DYNC2I2: variants seen among roughly 807,000 people sequenced by gnomAD.
DYNC2I2 encodes dynein 2 intermediate chain 2, also known as cytoplasmic dynein 2 intermediate chain 2.
A neutral mutation model predicts 52.0 loss-of-function variants in DYNC2I2; 39 were observed. The ratio of observed to expected loss-of-function variants is 0.75; its 90% CI spans 0.58 to 0.98. The LOEUF (loss-of-function observed/expected upper bound fraction) is 0.98, where lower values mean the gene tolerates loss of function less well. Ranked by LOEUF, DYNC2I2 falls within the 50% of genes least tolerant of loss-of-function variation. The probability of loss-of-function intolerance (pLI) is 0.00; values close to 1 mark genes in which losing one functional copy is unlikely to be tolerated. For missense variants in DYNC2I2, 743 were observed against 728.4 expected, an observed-to-expected ratio of 1.02 and a Z score of -0.23; for synonymous variants, 359 against 321.1, an observed-to-expected ratio of 1.12 and a Z score of -1.26.
chr9:128,668,116 A>G, the DYNC2I2 span, among the ~76,000 whole-genome samples: 2 of 151,658 alleles, frequency 1.3e-5, no homozygotes, highest in Non-Finnish European at 2.9e-5. Flanking sequence ...GTGAGCCACT[A>G]TGCCCAGCTA....
chr9:128,639,275 G>GT (rs1772456908), intron 2 of DYNC2I2, among the ~76,000 whole-genome samples: 1 of 151,664 alleles, frequency 6.6e-6, no homozygotes, highest in Admixed American at 6.6e-5. Context: ...GCGGGTGCCT[G>GT]TAATCCCAGC....
chr9:128,647,334 G>A (rs1252689390), intron 1 of DYNC2I2, among the ~76,000 whole-genome samples: 2 of 152,172 alleles, frequency 1.3e-5, no homozygotes, highest in Non-Finnish European at 2.9e-5. Context: ...CCCGGGGGAA[G>A]TCAGAGAAAG....
Position 128,636,401 on chromosome 9 carries a change from CGAAG to C in DYNC2I2, c.579_582del (p.Phe194CysfsTer53). On this transcript the variant is annotated frameshift_variant, in exon 4 of 9. Transcript: ENST00000372715. LOFTEE classifies it high-confidence loss of function. Reference sequence around the variant, plus strand: ...CGCCGGTCCAGGTTCCAGGCACACACGAAGGACTTAAGCGTGCTCCAGTCCCCAT... The same window carrying C: ...CGCCGGTCCAGGTTCCAGGCACACACGACTTAAGCGTGCTCCAGTCCCCAT... 1 of 1,610,364 alleles carries C rather than the reference CGAAG, an allele frequency of 6.2e-7. No individual in the cohort carries two copies. The highest frequency in any genetic ancestry group is 8.5e-7 in the Non-Finnish European group (1 of 1,179,076).
At chr9:128,655,489 C>G (rs1160230110) in intron 1 of DYNC2I2, among the ~76,000 whole-genome samples, 2 of 138,706 alleles carry the variant, frequency 1.4e-5, no homozygotes, top group African/African-American at 5.4e-5. Context: ...CCAGCCCGGG[C>G]GACAGAGCGA....
the DYNC2I2 span, among the ~76,000 whole-genome samples, chr9:128,673,473 T>C: frequency 2.0e-5 from 3 of 151,750 alleles, no homozygotes; most frequent in Admixed American, 6.6e-5. Context: ...TCCTGAATAG[T>C]TGGGACCACA....
At chr9:128,648,909 G>A (rs1340755591) in intron 1 of DYNC2I2, among the ~76,000 whole-genome samples, 1 of 152,058 alleles carries the variant, frequency 6.6e-6, no homozygotes, top group Non-Finnish European at 1.5e-5. Context: ...ATTCTGAGGA[G>A]GGATGCAGCA....
upstream of DYNC2I2, among the ~76,000 whole-genome samples, chr9:128,659,436 G>A (rs186486943): frequency 5.9e-4 from 88 of 150,342 alleles, no homozygotes; most frequent in African/African-American, 1.9e-3. Flanking sequence ...TGGAGCTTGC[G>A]GTGAGCAGAG....
At chr9:128,670,550 A>T in the DYNC2I2 span, among the ~76,000 whole-genome samples, 3 of 150,964 alleles carry the variant, frequency 2.0e-5, no homozygotes, top group South Asian at 6.3e-4. Context: ...ACCCTGGCCA[A>T]CATGGTGAAA....
chr9:128,635,948 G>A (rs926547485), intron 4 of DYNC2I2, 181 bp from the exon 5 acceptor site: 1 of 687,578 alleles, frequency 1.5e-6, no homozygotes, highest in Non-Finnish European at 2.5e-6. Flanking sequence ...TGTACCCCAG[G>A]GAGCTTTGCC....
Position 128,637,046 on chromosome 9 carries a change from C to G in DYNC2I2, c.436-19G>C, listed in dbSNP as rs755620356. On this transcript the variant is annotated intron_variant, in intron 2 of 8. Coordinates refer to ENST00000372715, the MANE Select transcript of DYNC2I2 (RefSeq NM_052844.4). ...AAGACACCTGCGGAGACGTCCCCAA[C>G]CCTGAGTCCAAAGCCACCAGCAGGG... is the stretch of plus-strand genomic sequence containing the variant. 3.1e-6 allele frequency: 5 copies of G among 1,598,880 alleles called. No homozygotes were observed. The highest frequency in any genetic ancestry group is 1.3e-5 in the African/African-American group (1 of 74,760).
At position 128,634,271 on chromosome 9, in the gene DYNC2I2, A is replaced by G. The variant is rs201784548; in HGVS notation, c.1327T>C (p.Trp443Arg). 5 of 1,613,918 alleles carry G rather than the reference A, an allele frequency of 3.1e-6. No homozygotes were observed. Among genetic ancestry groups the G allele is most frequent in the Non-Finnish European group, 4.2e-6 (5 of 1,180,024 alleles). Reference sequence around the variant, plus strand: ...AAAACCAAGGGCCGCACTGGGGACCAGCGCACAGCAAACAGATACTTGAGG... The same window carrying G: ...AAAACCAAGGGCCGCACTGGGGACCGGCGCACAGCAAACAGATACTTGAGG... ...LSLKYLFAVRWSPVRPLVFAA... is the reference protein window; with the variant it reads ...LSLKYLFAVRRSPVRPLVFAA... The change falls in exon 8 of 9, where the codon TGG becomes CGG. Residue 443 changes from tryptophan (W) to arginine (R), a missense_variant. Transcript: ENST00000372715.
rs1860417077 is a variant in DYNC2I2, at chr9:128,636,450, C to T, written c.546-12G>A. On this transcript the variant is annotated splice_polypyrimidine_tract_variant and intron_variant, in intron 3 of 8. Coordinates refer to ENST00000372715, the MANE Select transcript of DYNC2I2 (RefSeq NM_052844.4). ...CCCCATGGTCCAGCCTGTGCAGGGA[C>T]AGGCTTGAGCCGGCTGTGCCCCTGG... 1 of 1,593,972 alleles carries T rather than the reference C, an allele frequency of 6.3e-7. No individual in the cohort carries two copies. Among genetic ancestry groups the T allele is most frequent in the Non-Finnish European group, 8.5e-7 (1 of 1,174,504 alleles).
At chr9:128,668,149 CG>C in the DYNC2I2 span, among the ~76,000 whole-genome samples, 1 of 150,644 alleles carries the variant, frequency 6.6e-6, no homozygotes, top group South Asian at 2.1e-4. Context: ...TTAATAGAGA[CG>C]GGGTTTCATC....
chr9:128,634,166 C>G (rs889575138), intron 8 of DYNC2I2, 60 bp downstream of exon 8: 1 of 1,601,282 alleles, frequency 6.2e-7, no homozygotes, highest in Non-Finnish European at 8.5e-7. Flanking sequence ...ACCCCAGGTA[C>G]AAGCAGGGCC....
chr9:128,670,428 G>A, the DYNC2I2 span, among the ~76,000 whole-genome samples: 1 of 151,382 alleles, frequency 6.6e-6, no homozygotes, highest in African/African-American at 2.4e-5. Flanking sequence ...TGACAAGAGT[G>A]AAATTCCATC....
chr9:128,661,304 C>CA (rs34937317), upstream of DYNC2I2, among the ~76,000 whole-genome samples: 2,603 of 61,450 alleles, frequency 0.042, 51 homozygotes, highest in Middle Eastern at 0.16. Flanking sequence ...GACTCCATCT[C>CA]AAAAAAAAAA....
the DYNC2I2 span, among the ~76,000 whole-genome samples, chr9:128,680,207 T>C: frequency 6.6e-6 from 1 of 151,408 alleles, no homozygotes; most frequent in African/African-American, 2.4e-5. Context: ...ATTACAGGCA[T>C]GTGCCACCAC....
At chr9:128,634,039 C>T (rs1026071017) in intron 8 of DYNC2I2, 57 bp from the exon 9 acceptor site, 3 of 1,593,078 alleles carry the variant, frequency 1.9e-6, no homozygotes, top group Non-Finnish European at 2.6e-6. Flanking sequence ...AACCACATGG[C>T]AGGAGGAGGC....
the DYNC2I2 span, among the ~76,000 whole-genome samples, chr9:128,669,423 C>T: frequency 2.0e-5 from 3 of 151,072 alleles, no homozygotes; most frequent in African/African-American, 4.9e-5. Flanking sequence ...GAAGGCCCAG[C>T]GCAGTGGCTC....
Sources: gnomAD v4.1 joint callset for allele counts (sites outside exome capture counted in the v4.1 genomes callset) on GRCh38, gnomAD v4.1.1 for gene constraint, MANE v1.5 for transcripts, NCBI Gene and HGNC (gene_info 2026-07-23, HGNC 2026-07-21) for gene names.